The following IMMP1L variants were observed in gnomAD, a reference collection of about 807,000 sequenced individuals.
IMMP1L encodes the protein mitochondrial inner membrane protease subunit 1.
Under a neutral mutation model 21.8 loss-of-function variants are expected in IMMP1L, and 24 were observed. The ratio of observed to expected loss-of-function variants is 1.10; its 90% CI spans 0.80 to 1.55. The LOEUF is 1.55. Ranked by LOEUF, IMMP1L falls within the 40% of genes most tolerant of loss-of-function variation. The pLI, the probability that IMMP1L is intolerant of heterozygous loss-of-function variation, is 0.00. For missense variants in IMMP1L, 195 were observed against 200.7 expected (o/e 0.97, Z 0.17); for synonymous variants, 46 against 62.8 (o/e 0.73, Z 1.26).
At chr11:31,453,253 G>T (rs578134771) in intron 4 of IMMP1L, among the ~76,000 whole-genome samples, 1 of 152,264 alleles carries the variant, frequency 6.6e-6, no homozygotes, top group African/African-American at 2.4e-5. Context: ...GTTCTTTTCT[G>T]CCAACCTACA....
intron 1 of IMMP1L, among the ~76,000 whole-genome samples, chr11:31,503,399 A>C (rs894602895): frequency 2.0e-5 from 3 of 152,090 alleles, no homozygotes; most frequent in Non-Finnish European, 4.4e-5. Flanking sequence ...ATAAATGATA[A>C]ATAAATAGTA....
At chr11:31,488,885 T>A (rs1237642096) in intron 1 of IMMP1L, among the ~76,000 whole-genome samples, 2 of 151,592 alleles carry the variant, frequency 1.3e-5, no homozygotes, top group Non-Finnish European at 2.9e-5. Flanking sequence ...TTTTTATTTT[T>A]TATATATATT....
chr11:31,467,953 A>G (rs1295299281), intron 1 of IMMP1L, among the ~76,000 whole-genome samples: 1 of 152,130 alleles, frequency 6.6e-6, no homozygotes, highest in Non-Finnish European at 1.5e-5. Flanking sequence ...AAAAATGTGT[A>G]ACCTAAATCT....
chr11:31,484,884 T>C (rs1210993739), intron 1 of IMMP1L, among the ~76,000 whole-genome samples: 1 of 151,942 alleles, frequency 6.6e-6, no homozygotes, highest in Non-Finnish European at 1.5e-5. Context: ...GTAAAATTTG[T>C]TGACTTAGAA....
chr11:31,507,996 A>G (rs1438498144), intron 1 of IMMP1L, among the ~76,000 whole-genome samples: 3 of 152,126 alleles, frequency 2.0e-5, no homozygotes, highest in African/African-American at 7.2e-5. Flanking sequence ...AGTTCACAGC[A>G]TCAAAAATAT....
At chr11:31,438,029 A>G (rs1404890716) in intron 4 of IMMP1L, among the ~76,000 whole-genome samples, 1 of 152,190 alleles carries the variant, frequency 6.6e-6, no homozygotes, top group Non-Finnish European at 1.5e-5. Flanking sequence ...GTAAAAATAA[A>G]GCACTGTGAA....
chr11:31,441,406 T>G (rs1953325491), intron 4 of IMMP1L, among the ~76,000 whole-genome samples: 1 of 151,898 alleles, frequency 6.6e-6, no homozygotes, highest in Admixed American at 6.6e-5. Flanking sequence ...TATGCTTCTT[T>G]GTACAGTACA....
intron 1 of IMMP1L, among the ~76,000 whole-genome samples, chr11:31,483,636 T>G (rs1339029618): frequency 6.6e-6 from 1 of 151,974 alleles, no homozygotes; most frequent in Non-Finnish European, 1.5e-5. Context: ...GACTGAAGAT[T>G]TGCCTTTATA....
rs548644166 is a variant in IMMP1L, at chr11:31,435,974, A to T, written c.322-2404T>A. Among the ~76,000 whole-genome samples, 31 of 152,276 alleles carry T rather than the reference A, an allele frequency of 2.0e-4. 2 individuals carry two copies. In the South Asian group the frequency reaches 5.4e-3, roughly 26 times the overall value. On this transcript the variant is annotated intron_variant, in intron 4 of 5. Transcript: ENST00000532287. ...ATAATAACTAATTTAATACCTTGGT[A>T]ATATTTTTCTGTGCATTTATTTGAT...
intron 4 of IMMP1L, among the ~76,000 whole-genome samples, chr11:31,454,360 G>A (rs1269600514): frequency 2.7e-5 from 4 of 150,360 alleles, no homozygotes; most frequent in African/African-American, 9.8e-5. Context: ...GCTGATGTGG[G>A]AGGAGCATCT....
chr11:31,503,155 A>G (rs1955675750), intron 1 of IMMP1L, among the ~76,000 whole-genome samples: 1 of 152,198 alleles, frequency 6.6e-6, no homozygotes, highest in African/African-American at 2.4e-5. Context: ...CAGTACTTTC[A>G]AAAGTGTCCT....
chr11:31,508,660 G>A (rs917510541), intron 1 of IMMP1L, among the ~76,000 whole-genome samples: 4 of 152,220 alleles, frequency 2.6e-5, no homozygotes, highest in Middle Eastern at 3.4e-3. Context: ...ATTTCAATGA[G>A]GTTTGGCTCT....
intron 1 of IMMP1L, among the ~76,000 whole-genome samples, chr11:31,464,763 G>A (rs927469933): frequency 1.3e-5 from 2 of 151,944 alleles, no homozygotes; most frequent in African/African-American, 4.8e-5. Context: ...AAACTCTCAA[G>A]AAATTAGGCA....
At chr11:31,457,869 G>A (rs747222578) in intron 3 of IMMP1L, among the ~76,000 whole-genome samples, 4 of 152,116 alleles carry the variant, frequency 2.6e-5, no homozygotes, top group African/African-American at 9.7e-5. Context: ...GTAGCAAATC[G>A]TTACATTCTA....
chr11:31,497,838 CACTTAT>C (rs1177720829), intron 1 of IMMP1L, among the ~76,000 whole-genome samples: 3 of 152,134 alleles, frequency 2.0e-5, no homozygotes, highest in Non-Finnish European at 2.9e-5. Flanking sequence ...AATGTGACTT[CACTTAT>C]ACTTAAAAAT....
chr11:31,491,942 T>G (rs1955268960), intron 1 of IMMP1L, among the ~76,000 whole-genome samples: 1 of 152,224 alleles, frequency 6.6e-6, no homozygotes. Context: ...TGTTGTTCTG[T>G]CTATAAAGAA....
intron 4 of IMMP1L, chr11:31,433,781 A>C (rs939829446): frequency 2.5e-6 from 1 of 396,550 alleles, no homozygotes; most frequent in Non-Finnish European, 4.4e-6. Context: ...AAAACCTATC[A>C]TCTTTTTTTG....
At chr11:31,474,870 C>T (rs938507876) in intron 1 of IMMP1L, among the ~76,000 whole-genome samples, 1 of 152,220 alleles carries the variant, frequency 6.6e-6, no homozygotes, top group Non-Finnish European at 1.5e-5. Context: ...AGGCTCCCTG[C>T]GATTCCTATG....
chr11:31,451,051 A>G (rs757018111), intron 4 of IMMP1L, among the ~76,000 whole-genome samples: 1 of 152,200 alleles, frequency 6.6e-6, no homozygotes, highest in Non-Finnish European at 1.5e-5. Flanking sequence ...TTCAACTTTG[A>G]CATTTTAGAG....
Sources: allele counts gnomAD v4.1 joint callset (sites outside exome capture counted in the v4.1 genomes callset), GRCh38; gene constraint gnomAD v4.1.1; transcripts MANE v1.5; gene names NCBI Gene and HGNC (gene_info 2026-07-23, HGNC 2026-07-21).